The following MIPEP variants were observed in gnomAD, a reference collection of about 807,000 sequenced individuals.
The protein encoded by MIPEP is mitochondrial intermediate peptidase.
Under a neutral mutation model 90.3 loss-of-function variants are expected in MIPEP, and 79 were observed. That is an observed-to-expected ratio of 0.87 (90% CI 0.73 to 1.05). The LOEUF (loss-of-function observed/expected upper bound fraction) is 1.05, where lower values mean the gene tolerates loss of function less well. Among genes scored for constraint, MIPEP ranks in the 50% least tolerant of loss-of-function variants. The pLI is 0.00. For missense variants in MIPEP, 940 were observed against 905.6 expected (o/e 1.04, Z -0.49); for synonymous variants, 334 against 315.8 (o/e 1.06, Z -0.61).
chr13:23,831,672 T>C (rs1868774022), intron 14 of MIPEP, among the ~76,000 whole-genome samples: 1 of 152,122 alleles, frequency 6.6e-6, no homozygotes. Flanking sequence ...TCTGTTCCCA[T>C]GAGAACTAAT....
chr13:23,825,657 A>G lies in MIPEP; in HGVS notation c.1653+10583T>C, dbSNP rs181162487. On this transcript the variant is annotated intron_variant, in intron 14 of 18. Transcript: ENST00000382172. ...ACAATGTTATAATACTGACTTGATC[A>G]ACTCTAACTGAACTTTAAGGAAATT... Among the ~76,000 whole-genome samples, 1,343 of 152,354 alleles carry G rather than the reference A, an allele frequency of 8.8e-3. 27 individuals are homozygous for G. Among genetic ancestry groups the G allele is most frequent in the African/African-American group, 0.029 (1,222 of 41,578 alleles).
intron 16 of MIPEP, among the ~76,000 whole-genome samples, chr13:23,774,381 C>T (rs1952688630): frequency 6.6e-6 from 1 of 152,050 alleles, no homozygotes; most frequent in Non-Finnish European, 1.5e-5. Context: ...ATTGTTTTGG[C>T]TATTCTGGGT....
chr13:23,805,903 A>T (rs1401812910), intron 16 of MIPEP, 47 bp downstream of exon 16: 3 of 1,599,114 alleles, frequency 1.9e-6, no homozygotes, highest in Admixed American at 3.4e-5. Context: ...CAGAAGTAAT[A>T]GCAGAACCAC....
At chr13:23,749,267 C>T (rs1054963109) in intron 18 of MIPEP, among the ~76,000 whole-genome samples, 4 of 152,102 alleles carry the variant, frequency 2.6e-5, no homozygotes, top group Admixed American at 2.0e-4. Context: ...CTTATTGCTC[C>T]TCGATTGTCG....
At chr13:23,844,490 A>G (rs769214080) in intron 10 of MIPEP, among the ~76,000 whole-genome samples, 38 of 152,228 alleles carry the variant, frequency 2.5e-4, no homozygotes, top group Non-Finnish European at 4.1e-4. Context: ...GCAGGCAGCC[A>G]TAGAGAATCA....
chr13:23,879,032 C>T (rs981645722), intron 4 of MIPEP, among the ~76,000 whole-genome samples: 1 of 152,092 alleles, frequency 6.6e-6, no homozygotes. Flanking sequence ...TTGGAAGGAA[C>T]GAGGGCTATG....
At chr13:23,874,736 G>A (rs1433766666) in intron 5 of MIPEP, 110 bp downstream of exon 5, 5 of 863,636 alleles carry the variant, frequency 5.8e-6, no homozygotes, top group South Asian at 2.3e-5. Flanking sequence ...AGACCTGCAC[G>A]TTTTTGCAAT....
At chr13:23,818,884 T>A (rs1953273716) in intron 14 of MIPEP, among the ~76,000 whole-genome samples, 1 of 152,224 alleles carries the variant, frequency 6.6e-6, no homozygotes, top group Admixed American at 6.5e-5. Context: ...GTGGTCTAGA[T>A]CCCTTACCTG....
At chr13:23,801,722 C>G (rs1953044625) in intron 16 of MIPEP, among the ~76,000 whole-genome samples, 1 of 152,148 alleles carries the variant, frequency 6.6e-6, no homozygotes, top group Admixed American at 6.5e-5. Context: ...TCATTTATTT[C>G]ACTTTACCTT....
chr13:23,807,983 C>T (rs1245722849), intron 15 of MIPEP, among the ~76,000 whole-genome samples: 2 of 152,138 alleles, frequency 1.3e-5, no homozygotes, highest in Admixed American at 1.3e-4. Flanking sequence ...GCCTATCTGC[C>T]TACCCAGGGA....
At chr13:23,883,694 G>T (rs747847629) in intron 2 of MIPEP, among the ~76,000 whole-genome samples, 4 of 152,104 alleles carry the variant, frequency 2.6e-5, no homozygotes, top group Non-Finnish European at 5.9e-5. Context: ...AAATATTTTT[G>T]ATCCAAGGTT....
intron 14 of MIPEP, among the ~76,000 whole-genome samples, chr13:23,832,617 G>A (rs1868822916): frequency 6.6e-6 from 1 of 152,138 alleles, no homozygotes; most frequent in Non-Finnish European, 1.5e-5. Context: ...TACGCGGAAG[G>A]TAAAAATCTA....
In MIPEP at chr13:23,819,309, C is replaced by T. The variant is rs117628519; in HGVS notation, c.1654-9385G>A. Among the ~76,000 whole-genome samples, 53 of 152,270 alleles carry T rather than the reference C, an allele frequency of 3.5e-4. No individual in the cohort carries two copies. In the East Asian group the frequency reaches 7.9e-3, roughly 23 times the overall value. On this transcript the variant is annotated intron_variant, in intron 14 of 18. Coordinates refer to ENST00000382172, the MANE Select transcript of MIPEP (RefSeq NM_005932.4). ...CCGGTGTTTCCTGAAAATAGGAGAT[C>T]GCAGTCTACCTGAGTCAGTGTCATA...
intron 18 of MIPEP, among the ~76,000 whole-genome samples, chr13:23,749,607 G>C (rs141537418): frequency 6.6e-6 from 1 of 152,142 alleles, no homozygotes; most frequent in Non-Finnish European, 1.5e-5. Flanking sequence ...AACTGAATCC[G>C]ACAGGCTTGG....
At chr13:23,769,292 A>C (rs536519134) in intron 16 of MIPEP, among the ~76,000 whole-genome samples, 1 of 152,330 alleles carries the variant, frequency 6.6e-6, no homozygotes, top group African/African-American at 2.4e-5. Flanking sequence ...GGAGTCAATG[A>C]AACCCCTGAG....
At chr13:23,759,470 C>T (rs964800234) in intron 17 of MIPEP, among the ~76,000 whole-genome samples, 3 of 151,194 alleles carry the variant, frequency 2.0e-5, no homozygotes, top group Admixed American at 1.3e-4. Context: ...CCCACACCCC[C>T]AAGACAGCAC....
At chr13:23,774,314 C>T (rs1952687840) in intron 16 of MIPEP, among the ~76,000 whole-genome samples, 1 of 151,928 alleles carries the variant, frequency 6.6e-6, no homozygotes, top group African/African-American at 2.4e-5. Context: ...TACTGTAGCT[C>T]TGTAGTAACT....
At chr13:23,778,547 A>C (rs1952741943) in intron 16 of MIPEP, among the ~76,000 whole-genome samples, 1 of 152,162 alleles carries the variant, frequency 6.6e-6, no homozygotes, top group South Asian at 2.1e-4. Flanking sequence ...TCACTAATGA[A>C]AGAATGCTGA....
chr13:23,867,286 C>T (rs181681516), intron 7 of MIPEP, among the ~76,000 whole-genome samples: 208 of 152,298 alleles, frequency 1.4e-3, no homozygotes, highest in Non-Finnish European at 2.3e-3. Flanking sequence ...CCTCCTCAAA[C>T]GTGGCAGGCA....
Sources: allele counts gnomAD v4.1 joint callset (sites outside exome capture counted in the v4.1 genomes callset), GRCh38; gene constraint gnomAD v4.1.1; transcripts MANE v1.5; gene names NCBI Gene and HGNC (gene_info 2026-07-23, HGNC 2026-07-21).